Variants in SPOCK1 observed in about 807,000 individuals in gnomAD.
SPOCK1 encodes testican-1.
In SPOCK1, 23 loss-of-function variants were observed where a neutral mutation model predicts 55.3. The ratio of observed to expected loss-of-function variants is 0.42; its 90% CI spans 0.30 to 0.59. The LOEUF is 0.59. Among genes scored for constraint, SPOCK1 ranks in the 20% least tolerant of loss-of-function variants. SPOCK1 has a pLI of 0.22. For synonymous variants in SPOCK1, 226 were observed against 221.0 expected, an observed-to-expected ratio of 1.02 and a Z score of -0.20; for missense variants, 499 against 552.5, an observed-to-expected ratio of 0.90 and a Z score of 0.97.
intron 2 of SPOCK1, among the ~76,000 whole-genome samples, chr5:137,354,119 G>A (rs768284164): frequency 4.6e-5 from 7 of 152,004 alleles, no homozygotes; most frequent in Non-Finnish European, 1.0e-4. Flanking sequence ...ACTTACTACC[G>A]CTATCCCCAC....
chr5:137,099,329 G>A (rs1345448816), intron 5 of SPOCK1, among the ~76,000 whole-genome samples: 1 of 152,148 alleles, frequency 6.6e-6, no homozygotes, highest in Non-Finnish European at 1.5e-5. Flanking sequence ...CGGCTCTATT[G>A]AGGTATAATG....
intron 6 of SPOCK1, among the ~76,000 whole-genome samples, chr5:137,015,680 T>C (rs552870137): frequency 2.0e-4 from 31 of 152,132 alleles, no homozygotes; most frequent in Admixed American, 3.3e-4. Flanking sequence ...CACATGCATA[T>C]GTAATAGACT....
intron 6 of SPOCK1, among the ~76,000 whole-genome samples, chr5:136,993,525 G>T (rs577288858): frequency 2.0e-5 from 3 of 152,310 alleles, no homozygotes; most frequent in Non-Finnish European, 4.4e-5. Context: ...GGGGTCTTTA[G>T]TATCTGGAGA....
intron 2 of SPOCK1, among the ~76,000 whole-genome samples, chr5:137,418,704 C>T (rs1752411183): frequency 6.6e-6 from 1 of 152,044 alleles, no homozygotes; most frequent in Admixed American, 6.5e-5. Flanking sequence ...GATATTAGCC[C>T]TTTGTCAGAT....
At chr5:137,452,793 T>G (rs114214680) in intron 2 of SPOCK1, among the ~76,000 whole-genome samples, 2,825 of 152,340 alleles carry the variant, frequency 0.019, 90 homozygotes, top group African/African-American at 0.065. Context: ...TATGTCTGTT[T>G]CCTCCACTGC....
chr5:137,071,400 A>G (rs1019138061), intron 5 of SPOCK1, among the ~76,000 whole-genome samples: 1 of 152,206 alleles, frequency 6.6e-6, no homozygotes, highest in South Asian at 2.1e-4. Context: ...GACAAATACC[A>G]GGAAGATAGG....
chr5:137,465,419 T>A (rs1753598750), intron 2 of SPOCK1, among the ~76,000 whole-genome samples: 1 of 152,174 alleles, frequency 6.6e-6, no homozygotes. Flanking sequence ...TTCCTTCTCA[T>A]AACAACATTA....
chr5:137,125,031 T>C (rs1561618315), intron 4 of SPOCK1, among the ~76,000 whole-genome samples: 1 of 152,214 alleles, frequency 6.6e-6, no homozygotes, highest in Admixed American at 6.5e-5. Context: ...GTAGGTTCTA[T>C]GCAGCAAACA....
intron 6 of SPOCK1, among the ~76,000 whole-genome samples, chr5:137,033,537 G>A (rs1224781982): frequency 6.6e-6 from 1 of 152,088 alleles, no homozygotes; most frequent in Non-Finnish European, 1.5e-5. Context: ...CACGCTATCT[G>A]AAAGCCACTC....
intron 3 of SPOCK1, among the ~76,000 whole-genome samples, chr5:137,197,154 A>G (rs1434627): frequency 0.86 from 130,657 of 152,130 alleles, 56,190 homozygotes; most frequent in African/African-American, 0.91. Context: ...TCATTTAGAC[A>G]TGAATCTCTG....
chr5:137,160,614 A>T (rs1226208200), intron 3 of SPOCK1, among the ~76,000 whole-genome samples: 7 of 68,230 alleles, frequency 1.0e-4, no homozygotes, highest in Admixed American at 2.5e-4. Flanking sequence ...TATAATATAT[A>T]ATATATATTT....
At chr5:137,223,738 T>C (rs375424753) in intron 3 of SPOCK1, among the ~76,000 whole-genome samples, 23 of 152,144 alleles carry the variant, frequency 1.5e-4, no homozygotes, top group Non-Finnish European at 2.8e-4. Flanking sequence ...GCAAAGGTGA[T>C]GGTCTTGCCA....
chr5:137,331,432 C>G (rs1163880489), intron 2 of SPOCK1, among the ~76,000 whole-genome samples: 3 of 152,196 alleles, frequency 2.0e-5, no homozygotes, highest in African/African-American at 4.8e-5. Flanking sequence ...GAAGATGACT[C>G]CAAAAGACCT....
chr5:137,449,648 G>A (rs1237979096), intron 2 of SPOCK1, among the ~76,000 whole-genome samples: 10 of 152,150 alleles, frequency 6.6e-5, no homozygotes, highest in East Asian at 1.9e-4. Context: ...CTGTACTTAC[G>A]GAGGCCGAAG....
At chr5:137,249,243 A>C (rs1756461294) in intron 3 of SPOCK1, among the ~76,000 whole-genome samples, 1 of 152,242 alleles carries the variant, frequency 6.6e-6, no homozygotes, top group Non-Finnish European at 1.5e-5. Context: ...TAGTGGTTTC[A>C]CTTCTAGGAA....
chr5:137,182,241 T>C (rs570335073), intron 3 of SPOCK1, among the ~76,000 whole-genome samples: 2 of 152,260 alleles, frequency 1.3e-5, no homozygotes, highest in Admixed American at 6.5e-5. Context: ...TAAAACTTAA[T>C]GTCCAGATAA....
intron 2 of SPOCK1, among the ~76,000 whole-genome samples, chr5:137,486,757 A>G (rs1263968051): frequency 6.6e-6 from 1 of 152,226 alleles, no homozygotes; most frequent in African/African-American, 2.4e-5. Flanking sequence ...GCATGTAAAA[A>G]TCTCACAATT....
At chr5:137,253,473 G>C (rs1756576490) in intron 3 of SPOCK1, among the ~76,000 whole-genome samples, 1 of 152,118 alleles carries the variant, frequency 6.6e-6, no homozygotes, top group Non-Finnish European at 1.5e-5. Flanking sequence ...AAATTCTATG[G>C]GGAGTCATTG....
rs75402763 is a variant in SPOCK1 at position 137,452,467 on chromosome 5, T to A, written c.186+45906A>T. On this transcript the variant is annotated intron_variant, in intron 2 of 10. Transcript: ENST00000394945. ...CCCATTTGCATTGACTATTACCTAC[T>A]GCCACCTGGTAAAAGAAAAAAAGTG... Among the ~76,000 whole-genome samples, 12 of 152,320 alleles carry A rather than the reference T, an allele frequency of 7.9e-5. No individual in the cohort carries two copies. The East Asian group carries it at 2.3e-3, about 29-fold the overall frequency.
Sources: gnomAD v4.1 joint callset for allele counts (sites outside exome capture counted in the v4.1 genomes callset) on GRCh38, gnomAD v4.1.1 for gene constraint, MANE v1.5 for transcripts, NCBI Gene and HGNC (gene_info 2026-07-23, HGNC 2026-07-21) for gene names.